Variants in ATRNL1 observed in about 807,000 individuals in gnomAD.
ATRNL1 encodes attractin-like protein 1.
Under a neutral mutation model 182.7 loss-of-function variants are expected in ATRNL1, and 95 were observed. The ratio of observed to expected loss-of-function variants is 0.52; its 90% CI spans 0.44 to 0.62. The LOEUF is 0.62. Ranked by LOEUF, ATRNL1 falls within the 20% of genes least tolerant of loss-of-function variation. ATRNL1 has a pLI of 0.00. For missense variants in ATRNL1, 1,471 were observed against 1,679.5 expected, an observed-to-expected ratio of 0.88 and a Z score of 2.17; for synonymous variants, 576 against 568.3, an observed-to-expected ratio of 1.01 and a Z score of -0.19.
chr10:115,591,933 G>A (rs1467765915), intron 26 of ATRNL1, among the ~76,000 whole-genome samples: 2 of 152,244 alleles, frequency 1.3e-5, no homozygotes, highest in East Asian at 1.9e-4. Context: ...GGTGCCCATT[G>A]AAATTGGAGT....
intron 20 of ATRNL1, among the ~76,000 whole-genome samples, chr10:115,400,134 TCAA>T (rs1331217030): frequency 6.6e-6 from 1 of 152,052 alleles, no homozygotes; most frequent in Non-Finnish European, 1.5e-5. Flanking sequence ...CAGACACTTT[TCAA>T]AAGAAGACAT....
chr10:115,251,563 G>A (rs1554905384), intron 10 of ATRNL1, among the ~76,000 whole-genome samples: 2 of 152,068 alleles, frequency 1.3e-5, no homozygotes, highest in Admixed American at 6.6e-5. Flanking sequence ...GGAAAGCCAC[G>A]AAATTCTTAG....
At chr10:115,688,358 G>T (rs1345928107) in intron 26 of ATRNL1, among the ~76,000 whole-genome samples, 1 of 151,996 alleles carries the variant, frequency 6.6e-6, no homozygotes, top group Non-Finnish European at 1.5e-5. Flanking sequence ...CTATAAGGTT[G>T]GTATACTTTA....
At chr10:115,833,082 C>A (rs1384877707) in intron 27 of ATRNL1, among the ~76,000 whole-genome samples, 4 of 152,056 alleles carry the variant, frequency 2.6e-5, no homozygotes, top group Admixed American at 1.3e-4. Flanking sequence ...GTATGGTGTT[C>A]ATTTGTAATA....
chr10:115,230,386 A>C (rs1849875573), intron 9 of ATRNL1, among the ~76,000 whole-genome samples: 1 of 152,128 alleles, frequency 6.6e-6, no homozygotes, highest in South Asian at 2.1e-4. Flanking sequence ...GAGCCATGCA[A>C]ATATCTGGGG....
chr10:115,428,640 C>G (rs1846012676), intron 21 of ATRNL1, among the ~76,000 whole-genome samples: 1 of 151,994 alleles, frequency 6.6e-6, no homozygotes, highest in South Asian at 2.1e-4. Context: ...ATATGATTAT[C>G]AGAAATTTCT....
At chr10:115,620,920 A>C (rs900353332) in intron 26 of ATRNL1, among the ~76,000 whole-genome samples, 1 of 152,176 alleles carries the variant, frequency 6.6e-6, no homozygotes, top group African/African-American at 2.4e-5. Flanking sequence ...AGCAGTTTTC[A>C]TAGAAATTTT....
intron 24 of ATRNL1, among the ~76,000 whole-genome samples, chr10:115,490,985 G>C (rs907582575): frequency 6.6e-6 from 1 of 152,134 alleles, no homozygotes; most frequent in Non-Finnish European, 1.5e-5. Flanking sequence ...TAACAGTCAG[G>C]CCCCTCTGCT....
intron 26 of ATRNL1, among the ~76,000 whole-genome samples, chr10:115,595,653 CA>C (rs1285669989): frequency 1.3e-5 from 2 of 152,042 alleles, no homozygotes; most frequent in African/African-American, 4.8e-5. Context: ...TCTGAGTGCA[CA>C]ATAATATTTG....
chr10:115,354,263 C>T (rs1330927243), intron 19 of ATRNL1, among the ~76,000 whole-genome samples: 2 of 152,026 alleles, frequency 1.3e-5, no homozygotes, highest in African/African-American at 4.8e-5. Context: ...TTACCTTTTC[C>T]ACTGAATTTC....
chr10:115,229,590 A>G (rs1296723089), intron 9 of ATRNL1, among the ~76,000 whole-genome samples: 5 of 152,234 alleles, frequency 3.3e-5, no homozygotes, highest in Non-Finnish European at 7.4e-5. Context: ...ATATATACGC[A>G]CACAAGCACA....
intron 15 of ATRNL1, among the ~76,000 whole-genome samples, chr10:115,289,237 C>T (rs1312650345): frequency 2.0e-5 from 3 of 152,112 alleles, no homozygotes; most frequent in African/African-American, 4.8e-5. Context: ...CCCCATGATT[C>T]GATTACTTCC....
intron 19 of ATRNL1, among the ~76,000 whole-genome samples, chr10:115,392,593 G>A (rs1307394618): frequency 1.3e-5 from 2 of 152,024 alleles, no homozygotes; most frequent in Non-Finnish European, 2.9e-5. Flanking sequence ...CTTTCTAGGG[G>A]AGAGGAGAAA....
At chr10:115,528,173 T>C (rs1554987222) in intron 25 of ATRNL1, among the ~76,000 whole-genome samples, 1 of 151,604 alleles carries the variant, frequency 6.6e-6, no homozygotes, top group Non-Finnish European at 1.5e-5. Context: ...TGTTCCTTCC[T>C]TTTCACTTTT....
intron 27 of ATRNL1, among the ~76,000 whole-genome samples, chr10:115,830,081 A>G (rs556350973): frequency 1.3e-5 from 2 of 152,332 alleles, no homozygotes; most frequent in South Asian, 2.1e-4. Context: ...TAATACTGCC[A>G]AAGTCTGCAG....
intron 28 of ATRNL1, among the ~76,000 whole-genome samples, chr10:115,916,713 C>A (rs1555117345): frequency 6.6e-6 from 1 of 152,136 alleles, no homozygotes; most frequent in African/African-American, 2.4e-5. Flanking sequence ...TGCCAGACAT[C>A]CAACTCCCCA....
intron 27 of ATRNL1, among the ~76,000 whole-genome samples, chr10:115,843,937 CTTTA>C (rs1320164371): frequency 1.3e-5 from 2 of 152,050 alleles, no homozygotes; most frequent in African/African-American, 4.8e-5. Context: ...AGGTCTACAA[CTTTA>C]TTTATGTCAC....
chr10:115,538,154 T>C (rs1380628906), intron 25 of ATRNL1, among the ~76,000 whole-genome samples: 2 of 152,358 alleles, frequency 1.3e-5, no homozygotes, highest in East Asian at 3.9e-4. Flanking sequence ...AATGCTGCTG[T>C]GATCAACATA....
At chr10:115,504,054 G>A (rs186492440) in intron 24 of ATRNL1, among the ~76,000 whole-genome samples, 1 of 150,786 alleles carries the variant, frequency 6.6e-6, no homozygotes, top group Non-Finnish European at 1.5e-5. Context: ...TATTATTATT[G>A]GAAAATGCCC....
Sources: allele counts gnomAD v4.1 joint callset (sites outside exome capture counted in the v4.1 genomes callset), GRCh38; gene constraint gnomAD v4.1.1; transcripts MANE v1.5; gene names NCBI Gene and HGNC (gene_info 2026-07-23, HGNC 2026-07-21).